CNTN4: variants seen among roughly 807,000 people sequenced by gnomAD.
CNTN4 encodes contactin 4.
Under a neutral mutation model 122.5 loss-of-function variants are expected in CNTN4, and 77 were observed. That is an observed-to-expected ratio of 0.63 (90% CI 0.52 to 0.76). The LOEUF is 0.76. Among genes scored for constraint, CNTN4 ranks in the 30% least tolerant of loss-of-function variants. CNTN4 has a pLI of 0.00. For missense variants in CNTN4, 1,256 were observed against 1,259.1 expected, an observed-to-expected ratio of 1.00 and a Z score of 0.04; for synonymous variants, 512 against 447.0, an observed-to-expected ratio of 1.15 and a Z score of -1.83.
chr3:2,585,238 G>A (rs7626341), intron 4 of CNTN4, among the ~76,000 whole-genome samples: 43,613 of 151,192 alleles, frequency 0.29, 6,746 homozygotes, highest in South Asian at 0.36. Flanking sequence ...TACACTGTTG[G>A]TGGGACTGTA....
intron 6 of CNTN4, among the ~76,000 whole-genome samples, chr3:2,794,505 AAC>A (rs749513687): frequency 3.3e-5 from 5 of 152,206 alleles, no homozygotes; most frequent in African/African-American, 4.8e-5. Flanking sequence ...ACTTTGCAAA[AAC>A]TGTTAACATA....
In CNTN4 at chr3:2,977,109, C is replaced by G. The variant is rs185877756; in HGVS notation, c.1359-11236C>G. Among the ~76,000 whole-genome samples the G allele has an allele frequency of 4.6e-5, 7 of 152,284 alleles. No individual in the cohort carries two copies. The East Asian group carries it at 1.4e-3, about 29-fold the overall frequency. On this transcript the variant is annotated intron_variant, in intron 13 of 24. Coordinates refer to ENST00000418658, the MANE Select transcript of CNTN4 (RefSeq NM_175607.3). Reference sequence around the variant, plus strand: ...GTCTCTTCATTGTCACCTCTCTACTCCTTCTACATTGTGACTATTTCTTGG... The same window carrying G: ...GTCTCTTCATTGTCACCTCTCTACTGCTTCTACATTGTGACTATTTCTTGG...
chr3:2,945,290 G>A (rs1040161776), intron 13 of CNTN4, among the ~76,000 whole-genome samples: 8 of 152,102 alleles, frequency 5.3e-5, no homozygotes, highest in Admixed American at 6.5e-5. Flanking sequence ...CAGGATGCCC[G>A]GAGGAATCTG....
At chr3:2,373,270 C>G (rs556653377) in intron 3 of CNTN4, among the ~76,000 whole-genome samples, 1 of 152,172 alleles carries the variant, frequency 6.6e-6, no homozygotes, top group African/African-American at 2.4e-5. Context: ...CACAGTTGCA[C>G]TCCTTGGGCA....
chr3:2,443,580 A>G (rs1299924928), intron 3 of CNTN4, among the ~76,000 whole-genome samples: 1 of 152,190 alleles, frequency 6.6e-6, no homozygotes, highest in African/African-American at 2.4e-5. Context: ...ACAAATCACA[A>G]TAGTCCAATA....
chr3:2,674,465 T>A (rs2084720400), intron 4 of CNTN4, among the ~76,000 whole-genome samples: 1 of 152,156 alleles, frequency 6.6e-6, no homozygotes, highest in South Asian at 2.1e-4. Context: ...TGCAAGAAAT[T>A]GTTAACTGTG....
chr3:2,307,514 A>G (rs1204970103), intron 2 of CNTN4, among the ~76,000 whole-genome samples: 1 of 151,386 alleles, frequency 6.6e-6, no homozygotes, highest in Admixed American at 6.6e-5. Flanking sequence ...TCTTTTACTG[A>G]TAAGTATGAT....
chr3:2,523,373 C>CA (rs61597180), intron 3 of CNTN4, among the ~76,000 whole-genome samples: 2 of 123,466 alleles, frequency 1.6e-5, no homozygotes, highest in Non-Finnish European at 3.7e-5. Flanking sequence ...AAAAAAAAAA[C>CA]AAAACTTTTT....
intron 3 of CNTN4, among the ~76,000 whole-genome samples, chr3:2,390,797 A>C (rs1458424639): frequency 6.6e-6 from 1 of 152,206 alleles, no homozygotes; most frequent in Non-Finnish European, 1.5e-5. Context: ...TTTAATTTCT[A>C]AATAATGATG....
intron 4 of CNTN4, among the ~76,000 whole-genome samples, chr3:2,617,035 G>A (rs1301193059): frequency 2.0e-5 from 3 of 152,036 alleles, no homozygotes; most frequent in African/African-American, 2.4e-5. Context: ...CACCATCAAA[G>A]CCCTGGAAGA....
intron 2 of CNTN4, among the ~76,000 whole-genome samples, chr3:2,210,956 C>G (rs988204271): frequency 9.2e-5 from 14 of 152,266 alleles, no homozygotes; most frequent in African/African-American, 3.4e-4. Context: ...ATTGGGTTTT[C>G]AGAGAATTCT....
intron 14 of CNTN4, among the ~76,000 whole-genome samples, chr3:3,016,762 A>G (rs1267994351): frequency 6.6e-6 from 1 of 152,026 alleles, no homozygotes; most frequent in East Asian, 1.9e-4. Flanking sequence ...GCCACCCTCA[A>G]TTGGCTTGTG....
chr3:2,210,029 C>T (rs2038539447), intron 2 of CNTN4, among the ~76,000 whole-genome samples: 1 of 151,990 alleles, frequency 6.6e-6, no homozygotes, highest in Non-Finnish European at 1.5e-5. Context: ...ACACTTTAGC[C>T]TAGAATCTCT....
chr3:2,869,670 G>T (rs532280718), intron 8 of CNTN4, among the ~76,000 whole-genome samples: 1 of 151,990 alleles, frequency 6.6e-6, no homozygotes, highest in Non-Finnish European at 1.5e-5. Context: ...ATATTTGTCC[G>T]CTTGCCTTCC....
intron 23 of CNTN4, among the ~76,000 whole-genome samples, chr3:3,050,799 C>T (rs1354515934): frequency 6.7e-6 from 1 of 149,218 alleles, no homozygotes; most frequent in African/African-American, 2.5e-5. Flanking sequence ...GCTCTGGAGC[C>T]AGACTGCCTA....
At chr3:2,448,447 T>G (rs976926601) in intron 3 of CNTN4, among the ~76,000 whole-genome samples, 1 of 152,194 alleles carries the variant, frequency 6.6e-6, no homozygotes, top group Non-Finnish European at 1.5e-5. Context: ...GTGCAGTGAT[T>G]GGGCTTCTCA....
At chr3:2,301,395 C>T (rs2042513402) in intron 2 of CNTN4, among the ~76,000 whole-genome samples, 1 of 151,830 alleles carries the variant, frequency 6.6e-6, no homozygotes, top group African/African-American at 2.4e-5. Flanking sequence ...ACAATAAATG[C>T]CAGAGGAAAT....
chr3:2,100,396 G>A (rs1050715587), intron 1 of CNTN4, among the ~76,000 whole-genome samples, 162 bp from the exon 2 acceptor site: 4 of 152,290 alleles, frequency 2.6e-5, no homozygotes, highest in Middle Eastern at 6.8e-3. Context: ...TTTGGAACGC[G>A]CTTGTATTTT....
chr3:3,037,282 T>C lies in CNTN4; in HGVS notation c.2046T>C (p.Ile682=), dbSNP rs771563082. The C allele has an allele frequency of 1.2e-6, 2 of 1,614,164 alleles. No individual in the cohort carries two copies. The highest frequency in any genetic ancestry group is 2.2e-5 in the East Asian group (1 of 44,882). ...CAGTTGCAGCCAACGTGATTGGGAT[T>C]GGGGAGCCCAGCCGCCCCTCAGAGA... ...FRTVAANVIG[I]GEPSRPSEKR... is the part of the protein sequence containing the mutation. The change falls in exon 18 of 25, where the codon ATT becomes ATC. Residue 682 remains isoleucine (I), a synonymous_variant. Transcript: ENST00000418658.
Sources: allele counts gnomAD v4.1 joint callset (sites outside exome capture counted in the v4.1 genomes callset), GRCh38; gene constraint gnomAD v4.1.1; transcripts MANE v1.5; gene names NCBI Gene and HGNC (gene_info 2026-07-23, HGNC 2026-07-21).